The following ZNF169 variants were observed in gnomAD, a reference collection of about 807,000 sequenced individuals.
ZNF169 encodes the protein zinc finger protein 169.
A neutral mutation model predicts 12.0 loss-of-function variants in ZNF169; 11 were observed. The ratio of observed to expected loss-of-function variants is 0.92; its 90% CI spans 0.58 to 1.52. The LOEUF (loss-of-function observed/expected upper bound fraction) is 1.52. ZNF169 is among the 40% of genes most tolerant of loss of function. The pLI is 0.00. For synonymous variants in ZNF169, 302 were observed against 286.5 expected, an observed-to-expected ratio of 1.05 and a Z score of -0.55; for missense variants, 722 against 744.0, an observed-to-expected ratio of 0.97 and a Z score of 0.34.
At chr9:94,268,726 C>T (rs1830334720) in intron 1 of ZNF169, among the ~76,000 whole-genome samples, 1 of 143,614 alleles carries the variant, frequency 7.0e-6, no homozygotes, top group African/African-American at 2.6e-5. Flanking sequence ...GCAGGGGTTA[C>T]AATGAGCCGA....
intron 2 of ZNF169, chr9:94,288,080 A>G: frequency 1.3e-6 from 1 of 795,882 alleles, no homozygotes; most frequent in Non-Finnish European, 2.3e-6. Context: ...TTGCATTCTC[A>G]AAATTCATCT....
chr9:94,300,524 G>A lies in ZNF169; in HGVS notation c.966G>A (p.Glu322=). The A allele has an allele frequency of 6.2e-7, 1 of 1,614,230 alleles. No individual in the cohort carries two copies. Among genetic ancestry groups the A allele is most frequent in the Non-Finnish European group, 8.5e-7 (1 of 1,180,038 alleles). The change falls in exon 5 of 5, where the codon GAG becomes GAA. Residue 322 remains glutamate (E), a synonymous_variant. Transcript: ENST00000395395. ...GGGAGAGGCCCTTTGTATGTCAGGA[G>A]TGTGGGCGAGGCTTTCGCCAGAAGA... ...HSGERPFVCQ[E]CGRGFRQKIA...
At chr9:94,278,374 A>G (rs1177448127) in intron 1 of ZNF169, among the ~76,000 whole-genome samples, 2 of 152,302 alleles carry the variant, frequency 1.3e-5, no homozygotes, top group East Asian at 3.9e-4. Context: ...GACTTCCTGG[A>G]ACCTGTCCTT....
Position 94,267,698 on chromosome 9 carries a change from T to C in ZNF169, c.-56+8353T>C, listed in dbSNP as rs557888386. 1.8e-4 allele frequency among the ~76,000 whole-genome samples: 28 copies of C among 152,332 alleles called. No homozygotes were observed. The South Asian group carries it at 5.4e-3, about 29-fold the overall frequency. On this transcript the variant is annotated intron_variant, in intron 1 of 4. Coordinates refer to ENST00000395395, the MANE Select transcript of ZNF169 (RefSeq NM_194320.4). ...AGGTCATTCCAGTCTATTAGTTCAG[T>C]TCATGCAGTTAATTCCTGTTGTGCT...
intron 4 of ZNF169, among the ~76,000 whole-genome samples, chr9:94,296,619 C>T (rs1339065339): frequency 6.6e-6 from 1 of 152,124 alleles, no homozygotes; most frequent in Non-Finnish European, 1.5e-5. Context: ...ATTGAAAACA[C>T]TACCCTTTTT....
intron 4 of ZNF169, 198 bp from the exon 5 acceptor site, chr9:94,299,608 CTGCCTGTGA>C: frequency 1.4e-6 from 2 of 1,382,866 alleles, no homozygotes; most frequent in Admixed American, 6.5e-5. Flanking sequence ...AGAGCTGAAG[CTGCCTGTGA>C]TGCTTTTTTG....
chr9:94,264,118 T>C (rs1347851749), intron 1 of ZNF169, among the ~76,000 whole-genome samples: 1 of 150,062 alleles, frequency 6.7e-6, no homozygotes, highest in Non-Finnish European at 1.5e-5. Flanking sequence ...GCAAATATAA[T>C]GTATTTGCTA....
chr9:94,278,161 T>C (rs1485058079), intron 1 of ZNF169, among the ~76,000 whole-genome samples: 1 of 152,226 alleles, frequency 6.6e-6, no homozygotes, highest in African/African-American at 2.4e-5. Flanking sequence ...CTTAAAAATC[T>C]CTTTATGAAA....
intron 4 of ZNF169, chr9:94,294,003 C>T (rs1348553291): frequency 6.6e-6 from 1 of 152,212 alleles, no homozygotes; most frequent in African/African-American, 2.4e-5. Context: ...ATGGGTTCTT[C>T]ACTCATATAG....
In ZNF169 at chr9:94,300,027, C is replaced by G. The variant is rs1310871749; in HGVS notation, c.469C>G (p.Pro157Ala). ...CCCCGACAGCTCATTAAGAAAGAGG[C>G]CAAGCAGAATTTCTAGGACATTCTT... is the stretch of plus-strand genomic sequence containing the variant. The part of the protein sequence containing the change: ...EGPDSSLRKR[P>A]SRISRTFFSP... The change falls in exon 5 of 5, where the codon CCA becomes GCA. Residue 157 changes from proline to alanine, a missense_variant. Physicochemically the swap from Pro to Ala is conservative, Grantham distance 27. Transcript: ENST00000395395. The G allele has an allele frequency of 2.5e-6, 4 of 1,614,002 alleles. 1 individual carries two copies. In the South Asian group the frequency reaches 3.3e-5, roughly 13 times the overall value.
At chr9:94,284,217 G>A (rs1411510044) in intron 2 of ZNF169, among the ~76,000 whole-genome samples, 2 of 151,836 alleles carry the variant, frequency 1.3e-5, no homozygotes, top group East Asian at 3.9e-4. Context: ...TTGAGGTAAG[G>A]AGTTCAAGAC....
At chr9:94,288,238 G>T in intron 2 of ZNF169, 3 of 809,630 alleles carry the variant, frequency 3.7e-6, no homozygotes, top group South Asian at 1.4e-5. Context: ...CCCAGTGTTA[G>T]GTGAGAAGGA....
chr9:94,292,430 G>A lies in ZNF169; in HGVS notation c.123G>A (p.Glu41=). The A allele has an allele frequency of 6.2e-7, 1 of 1,614,106 alleles. No homozygotes were observed. Among genetic ancestry groups the A allele is most frequent in the South Asian group, 1.1e-5 (1 of 91,090 alleles). The part of the protein sequence containing the change: ...LSSAQRTLYR[E]VMLENYSHLV... ...CTGCTCAGAGGACCCTGTACAGGGAGGTGATGCTGGAGAACTACAGCCATC... is the reference window on the plus strand; with the variant it reads ...CTGCTCAGAGGACCCTGTACAGGGAAGTGATGCTGGAGAACTACAGCCATC... The change falls in exon 3 of 5, where the codon GAG becomes GAA. Residue 41 remains glutamate (E), a synonymous_variant. Coordinates refer to ENST00000395395, the MANE Select transcript of ZNF169 (RefSeq NM_194320.4).
intron 1 of ZNF169, among the ~76,000 whole-genome samples, chr9:94,262,551 C>G (rs1830223272): frequency 6.6e-6 from 1 of 152,036 alleles, no homozygotes; most frequent in Non-Finnish European, 1.5e-5. Flanking sequence ...CTCTGCCTCC[C>G]AAGTTCAAGC....
chr9:94,297,909 G>A (rs1381355774), intron 4 of ZNF169, among the ~76,000 whole-genome samples: 4 of 152,142 alleles, frequency 2.6e-5, no homozygotes, highest in Non-Finnish European at 4.4e-5. Flanking sequence ...GCTCACGCCT[G>A]TAATCCCAGC....
In ZNF169 at chr9:94,300,275, C is replaced by T. The variant is rs757153009; in HGVS notation, c.717C>T (p.Cys239=). The change falls in exon 5 of 5, where the codon TGC becomes TGT. Residue 239 remains cysteine, a synonymous_variant. Transcript: ENST00000395395. ...AGAAGCATCATGTGTGCCCTGAATG[C>T]GGGAGAGGCTTTTGCCAGAGATCAG... ...SHQKHHVCPE[C]GRGFCQRSDL... The T allele has an allele frequency of 6.2e-6, 10 of 1,614,056 alleles. No homozygotes were observed. The highest frequency in any genetic ancestry group is 1.6e-4 in the Middle Eastern group (1 of 6,084).
At chr9:94,272,053 C>T (rs963334605) in intron 1 of ZNF169, among the ~76,000 whole-genome samples, 1 of 152,040 alleles carries the variant, frequency 6.6e-6, no homozygotes, top group African/African-American at 2.4e-5. Context: ...TTTTGGTAAA[C>T]CTTATGATTA....
At chr9:94,285,068 GA>G (rs1016825443) in intron 2 of ZNF169, among the ~76,000 whole-genome samples, 2 of 151,874 alleles carry the variant, frequency 1.3e-5, no homozygotes, top group Non-Finnish European at 2.9e-5. Context: ...TGGCAGTCCT[GA>G]AAAAAAATCT....
At chr9:94,292,300 T>A in intron 2 of ZNF169, 41 bp from the exon 3 acceptor site, 1 of 1,613,580 alleles carries the variant, frequency 6.2e-7, no homozygotes, top group Non-Finnish European at 8.5e-7. Flanking sequence ...TTAGTGGGCA[T>A]GGCTGGCTGT....
Sources: allele counts gnomAD v4.1 joint callset (sites outside exome capture counted in the v4.1 genomes callset), GRCh38; gene constraint gnomAD v4.1.1; transcripts MANE v1.5; gene names NCBI Gene and HGNC (gene_info 2026-07-23, HGNC 2026-07-21).